The following PHACTR2 variants were observed in gnomAD, a reference collection of about 807,000 sequenced individuals.
The protein encoded by PHACTR2 is phosphatase and actin regulator 2.
A neutral mutation model predicts 76.0 loss-of-function variants in PHACTR2; 30 were observed. The observed-to-expected ratio is 0.39, with a 90% confidence interval of 0.30 to 0.54. PHACTR2 has a LOEUF of 0.54. PHACTR2 is among the 20% of genes least tolerant of loss of function. PHACTR2 has a pLI of 0.61. For missense variants in PHACTR2, 696 were observed against 781.1 expected (o/e 0.89, Z 1.30); for synonymous variants, 292 against 292.5 (o/e 1.00, Z 0.02).
Position 143,777,873 on chromosome 6 carries a change from CTTCTTGAGTTGT to C in PHACTR2, c.1645+493_1645+504del, listed in dbSNP as rs951247020. Among the ~76,000 whole-genome samples the C allele has an allele frequency of 6.6e-6, 1 of 152,132 alleles. No homozygotes were observed. The highest frequency in any genetic ancestry group is 1.5e-5 in the Non-Finnish European group (1 of 68,016). On this transcript the variant is annotated intron_variant, in intron 9 of 12. Coordinates refer to ENST00000440869, the MANE Select transcript of PHACTR2 (RefSeq NM_001100164.2). The surrounding 1 kb of genome is among the most constrained non-coding windows in gnomAD (Gnocchi z 4.6). ...TCCTATGTTATGATAACTCGGCTTC[CTTCTTGAGTTGT>C]TTATAATTTCTCAGCACTAAAACGT... is the stretch of plus-strand genomic sequence containing the variant.
chr6:143,783,146 G>C lies in PHACTR2; in HGVS notation c.1646-73G>C. 1.2e-6 allele frequency: 1 copy of C among 856,468 alleles called. No individual in the cohort carries two copies. The highest frequency in any genetic ancestry group is 2.0e-6 in the Non-Finnish European group (1 of 512,182). 53.1% of individuals were successfully genotyped at this position (856,468 alleles called of 1,614,324 possible). A position where few individuals can be genotyped will look rare whatever the true frequency, so the allele number is the denominator to read the frequency against. ...TATTTGTTAGAGTCACATGATCGTG[G>C]CCTGATACACTTTTCTGAATATGAA... On this transcript the variant is annotated intron_variant, in intron 9 of 12. Coordinates refer to ENST00000440869, the MANE Select transcript of PHACTR2 (RefSeq NM_001100164.2). This position sits in a 1 kb window ranked among gnomAD's most constrained non-coding sequence, Gnocchi z 5.2.
rs752640205 is a variant in PHACTR2, at chr6:143,625,738, G to A, written c.13+17416G>A. 1.3e-5 allele frequency among the ~76,000 whole-genome samples: 2 copies of A among 152,182 alleles called. No homozygotes were observed. The highest frequency in any genetic ancestry group is 2.4e-5 in the African/African-American group (1 of 41,438). On this transcript the variant is annotated intron_variant, in intron 1 of 11. Transcript: ENST00000305766. This position sits in a 1 kb window ranked among gnomAD's most constrained non-coding sequence, Gnocchi z 4.3. ...TGCCTACTGGGTCAGGCACTCTTCC[G>A]GGTGCAGTGAATGGGGCAGTGATGA...
chr6:143,713,667 T>C (rs1282311812), intron 2 of PHACTR2, among the ~76,000 whole-genome samples: 1 of 152,134 alleles, frequency 6.6e-6, no homozygotes, highest in Non-Finnish European at 1.5e-5. Context: ...TAGTTGAATG[T>C]GCTAAACTCG....
At chr6:143,670,600 C>T (rs910897046) in intron 1 of PHACTR2, among the ~76,000 whole-genome samples, 2 of 152,082 alleles carry the variant, frequency 1.3e-5, no homozygotes, top group East Asian at 3.9e-4. Context: ...TGTTGATCCT[C>T]AATCTCTGAT....
chr6:143,765,379 A>G lies in PHACTR2; in HGVS notation c.813A>G (p.Thr271=). ...AGACAGTTTCTAGCAAAGCAGGGAC[A>G]GTGGGGACCACCAAGGGCAAGAGAA... ...SKETVSSKAG[T]VGTTKGKRKT... Residue 271 remains threonine, a synonymous_variant, in exon 6 of 13, where the codon ACA becomes ACG. Coordinates refer to ENST00000440869, the MANE Select transcript of PHACTR2 (RefSeq NM_001100164.2). The surrounding 1 kb of genome is among the most constrained non-coding windows in gnomAD (Gnocchi z 4.1). 1.9e-6 allele frequency: 3 copies of G among 1,614,246 alleles called. No homozygotes were observed. The highest frequency in any genetic ancestry group is 2.2e-5 in the East Asian group (1 of 44,880).
intron 1 of PHACTR2, among the ~76,000 whole-genome samples, chr6:143,691,810 A>G (rs1777650747): frequency 6.6e-6 from 1 of 152,206 alleles, no homozygotes; most frequent in African/African-American, 2.4e-5. Context: ...TGTAAAATAC[A>G]TTTCTGAAAA....
In PHACTR2 at chr6:143,700,598, T is replaced by G. The variant is rs1777886700; in HGVS notation, c.47-11418T>G. Among the ~76,000 whole-genome samples, 1 of 152,210 alleles carries G rather than the reference T, an allele frequency of 6.6e-6. No homozygotes were observed. The highest frequency in any genetic ancestry group is 2.4e-5 in the African/African-American group (1 of 41,456). On this transcript the variant is annotated intron_variant, in intron 1 of 12. Transcript: ENST00000440869. The surrounding 1 kb of genome is among the most constrained non-coding windows in gnomAD (Gnocchi z 4.1). ...GGGGCGAGAGGAGAACTGTGATATT[T>G]CAGTATATTTTATTTCACAAATTAT...
chr6:143,690,114 T>C (rs1226351966), intron 1 of PHACTR2, among the ~76,000 whole-genome samples: 1 of 152,274 alleles, frequency 6.6e-6, no homozygotes, highest in Non-Finnish European at 1.5e-5. Context: ...GCATACCTTT[T>C]GTTTTTCCTA....
chr6:143,704,158 T>C (rs7739094), intron 1 of PHACTR2, among the ~76,000 whole-genome samples: 86,486 of 151,122 alleles, frequency 0.57, 24,932 homozygotes, highest in Middle Eastern at 0.64. Flanking sequence ...CTTTGTGTAT[T>C]GTTTACACAG....
intron 11 of PHACTR2, among the ~76,000 whole-genome samples, chr6:143,802,753 A>G (rs567630678): frequency 6.6e-6 from 1 of 151,324 alleles, no homozygotes; most frequent in East Asian, 1.9e-4. Flanking sequence ...TTATACATGT[A>G]TTTGTCTAAA....
chr6:143,813,335 T>A (rs1037730518), intron 12 of PHACTR2, among the ~76,000 whole-genome samples: 1 of 152,050 alleles, frequency 6.6e-6, no homozygotes, highest in African/African-American at 2.4e-5. Flanking sequence ...AAAATTCAGA[T>A]GCAGCCGGGT....
rs563610247 is a variant in PHACTR2, at chr6:143,799,007, G to A, written c.1846-8050G>A. Among the ~76,000 whole-genome samples the A allele has an allele frequency of 1.9e-3, 290 of 152,250 alleles. 1 individual carries two copies. Among genetic ancestry groups the A allele is most frequent in the African/African-American group, 6.8e-3 (283 of 41,550 alleles). On this transcript the variant is annotated intron_variant, in intron 11 of 12. Transcript: ENST00000440869. ...TCTGGTAGAATTTGGCTGTGAATCC[G>A]TCTGGTCCTGGACTCTTTTTGGTTG...
intron 1 of PHACTR2, among the ~76,000 whole-genome samples, chr6:143,705,591 T>C (rs765060766): frequency 6.6e-6 from 1 of 152,208 alleles, no homozygotes; most frequent in Admixed American, 6.5e-5. Context: ...CCACCGTGCC[T>C]GGCCAGACCT....
rs1358155646 is a variant in PHACTR2, at chr6:143,543,820, C to T, written c.217+6613C>T. On this transcript the variant is annotated intron_variant, in intron 1 of 11. Transcript: ENST00000367584. This position sits in a 1 kb window ranked among gnomAD's most constrained non-coding sequence, Gnocchi z 4.7. ...CTGGGAGACACAATTTAGGCATTTG[C>T]AAGTTTGATATGGATATATTCTGAG... Among the ~76,000 whole-genome samples, 1 of 152,126 alleles carries T rather than the reference C, an allele frequency of 6.6e-6. No individual in the cohort carries two copies. The highest frequency in any genetic ancestry group is 1.9e-4 in the East Asian group (1 of 5,198).
At chr6:143,763,500 T>C (rs1266608941) in intron 5 of PHACTR2, among the ~76,000 whole-genome samples, 1 of 152,242 alleles carries the variant, frequency 6.6e-6, no homozygotes, top group Non-Finnish European at 1.5e-5. Flanking sequence ...AAAGTAAATG[T>C]AGACTGGACT....
rs926266977 is a variant in PHACTR2, at chr6:143,583,752, A to G, written c.217+46545A>G. ...CTCACTACATGCTAGATGCCAGACT[A>G]TCATTTGTTGATTGGTTGATTCATT... On this transcript the variant is annotated intron_variant, in intron 1 of 11. Coordinates refer to the PHACTR2 transcript ENST00000367584. This position sits in a 1 kb window ranked among gnomAD's most constrained non-coding sequence, Gnocchi z 4.0. Among the ~76,000 whole-genome samples the G allele has an allele frequency of 1.3e-4, 20 of 152,356 alleles. No individual in the cohort carries two copies. Among genetic ancestry groups the G allele is most frequent in the African/African-American group, 4.6e-4 (19 of 41,588 alleles).
intron 3 of PHACTR2, among the ~76,000 whole-genome samples, chr6:143,752,712 G>A (rs1193021633): frequency 6.6e-6 from 1 of 152,098 alleles, no homozygotes; most frequent in Non-Finnish European, 1.5e-5. Context: ...CCTATTTAAT[G>A]ACAATTTGGG....
At chr6:143,717,501 C>T (rs1481495031) in intron 2 of PHACTR2, among the ~76,000 whole-genome samples, 7 of 151,990 alleles carry the variant, frequency 4.6e-5, no homozygotes, top group African/African-American at 7.3e-5. Context: ...ATAAAAAAAA[C>T]ATGCCTTGAA....
intron 1 of PHACTR2, among the ~76,000 whole-genome samples, chr6:143,629,107 G>A (rs1313482798): frequency 6.7e-6 from 1 of 150,154 alleles, no homozygotes; most frequent in African/African-American, 2.5e-5. Context: ...AATGAGGGAG[G>A]GTATCATTTT....
Sources: allele counts gnomAD v4.1 joint callset (sites outside exome capture counted in the v4.1 genomes callset), GRCh38; gene constraint gnomAD v4.1.1; non-coding constraint Gnocchi (gnomAD v3.1); transcripts MANE v1.5; gene names NCBI Gene and HGNC (gene_info 2026-07-23, HGNC 2026-07-21).